The following AMD1 variants were observed in gnomAD, a reference collection of about 807,000 sequenced individuals.
The protein encoded by AMD1 is S-adenosylmethionine decarboxylase proenzyme.
Under a neutral mutation model 40.2 loss-of-function variants are expected in AMD1, and 11 were observed. That is an observed-to-expected ratio of 0.27 (90% CI 0.17 to 0.45). The LOEUF is 0.45. AMD1 is among the 20% of genes least tolerant of loss of function. The pLI is 1.00. For missense variants in AMD1, 257 were observed against 410.2 expected (o/e 0.63, Z 3.23); for synonymous variants, 121 against 130.8 (o/e 0.93, Z 0.51).
upstream of AMD1, among the ~76,000 whole-genome samples, chr6:110,873,173 T>G (rs1412439606): frequency 6.6e-6 from 1 of 152,140 alleles, no homozygotes; most frequent in Non-Finnish European, 1.5e-5. Flanking sequence ...AAGACAAGCC[T>G]GGCAAACATG....
chr6:110,823,243 T>C, the AMD1 span, among the ~76,000 whole-genome samples: 1 of 152,120 alleles, frequency 6.6e-6, no homozygotes, highest in Admixed American at 6.6e-5. Context: ...ATAAAAGCCA[T>C]ATATGATAAA....
At chr6:110,814,626 C>T in the AMD1 span, 1 of 475,554 alleles carries the variant, frequency 2.1e-6, no homozygotes, top group South Asian at 1.5e-5. Flanking sequence ...CGTCACTACC[C>T]AGGGCCGGAG....
At chr6:110,842,190 C>T in the AMD1 span, among the ~76,000 whole-genome samples, 2 of 152,176 alleles carry the variant, frequency 1.3e-5, no homozygotes, top group Non-Finnish European at 2.9e-5. Flanking sequence ...ATGAGTCTCT[C>T]ACATTTCTGC....
chr6:110,858,133 C>T, the AMD1 span: 1 of 546,978 alleles, frequency 1.8e-6, no homozygotes, highest in Non-Finnish European at 3.4e-6. Flanking sequence ...TGTGAGCCAC[C>T]ATGCCCAGAC....
chr6:110,874,544 T>C (rs140462443), upstream of AMD1, among the ~76,000 whole-genome samples: 988 of 152,316 alleles, frequency 6.5e-3, 5 homozygotes, highest in African/African-American at 0.023. Flanking sequence ...CCGAGGTTTC[T>C]AGTCCCCAGC....
At chr6:110,839,402 C>T in the AMD1 span, among the ~76,000 whole-genome samples, 2 of 152,108 alleles carry the variant, frequency 1.3e-5, no homozygotes, top group Non-Finnish European at 2.9e-5. Context: ...ACGTTTCTGA[C>T]CAAAGGTGTA....
the AMD1 span, among the ~76,000 whole-genome samples, chr6:110,852,164 CTACTGACTA>C: frequency 6.9e-6 from 1 of 144,404 alleles, no homozygotes; most frequent in Non-Finnish European, 1.5e-5. Flanking sequence ...GTGATCCTCC[CTACTGACTA>C]TAGGCATGCA....
the AMD1 span, among the ~76,000 whole-genome samples, chr6:110,848,138 G>T: frequency 6.6e-6 from 1 of 152,068 alleles, no homozygotes; most frequent in East Asian, 1.9e-4. Flanking sequence ...GAAAATATGA[G>T]CTGTGTTTGT....
At chr6:110,855,735 A>G in the AMD1 span, among the ~76,000 whole-genome samples, 2 of 152,144 alleles carry the variant, frequency 1.3e-5, no homozygotes, top group East Asian at 3.9e-4. Context: ...AAACTGTTCC[A>G]TCAGGTATTC....
the AMD1 span, among the ~76,000 whole-genome samples, chr6:110,830,754 A>G: frequency 2.0e-5 from 3 of 152,230 alleles, no homozygotes; most frequent in East Asian, 5.8e-4. Context: ...GGCAAAGACA[A>G]GAACTATCCC....
chr6:110,862,330 G>GTT, the AMD1 span, among the ~76,000 whole-genome samples: 4,665 of 102,742 alleles, frequency 0.045, 114 homozygotes, highest in Middle Eastern at 0.12. Context: ...TGATTGTTCT[G>GTT]TTTTTTTTTT....
chr6:110,817,865 C>A, the AMD1 span, among the ~76,000 whole-genome samples: 7 of 151,984 alleles, frequency 4.6e-5, no homozygotes, highest in Non-Finnish European at 7.4e-5. Context: ...TTCACTCCAG[C>A]CCCATCTGCT....
At chr6:110,872,320 A>T (rs201210088), upstream of AMD1, among the ~76,000 whole-genome samples, 27 of 152,312 alleles carry the variant, frequency 1.8e-4, no homozygotes, top group East Asian at 2.7e-3. Context: ...GGATTTTTTT[A>T]AAATTTGAGT....
At chr6:110,878,672 TAACA>T (rs1481431533) in intron 1 of AMD1, among the ~76,000 whole-genome samples, 5 of 152,168 alleles carry the variant, frequency 3.3e-5, no homozygotes, top group Non-Finnish European at 5.9e-5. Flanking sequence ...CAAAGTGCTG[TAACA>T]AACAAAAGCT....
chr6:110,856,923 G>A, the AMD1 span, among the ~76,000 whole-genome samples: 2 of 152,278 alleles, frequency 1.3e-5, no homozygotes, highest in African/African-American at 4.8e-5. Flanking sequence ...TAGCACTTTG[G>A]GAGGCCAAGG....
At chr6:110,893,151 G>T (rs1317882326) in intron 8 of AMD1, 86 bp downstream of exon 8, 2 of 1,223,948 alleles carry the variant, frequency 1.6e-6, no homozygotes, top group African/African-American at 3.1e-5. Context: ...GATGTATTCT[G>T]AGATAGCACA....
Position 110,875,195 on chromosome 6 carries a change from G to A in AMD1, c.90G>A (p.Gly30=), listed in dbSNP as rs1174843295. The change falls in exon 1 of 9, where the codon GGG becomes GGA. Residue 30 remains glycine, a synonymous_variant. Coordinates refer to ENST00000368885, the MANE Select transcript of AMD1 (RefSeq NM_001634.6). The part of the protein sequence containing the change: ...RQQPDANQGS[G]DLRTIPRSEW... ...AGCCCGACGCAAACCAAGGATCTGG[G>A]GATCTTCGCACTATCCCAAGGTGGG... is the stretch of plus-strand genomic sequence containing the variant. The A allele has an allele frequency of 6.2e-7, 1 of 1,611,550 alleles. No individual in the cohort carries two copies. Among genetic ancestry groups the A allele is most frequent in the Non-Finnish European group, 8.5e-7 (1 of 1,178,950 alleles).
the AMD1 span, chr6:110,859,143 A>G: frequency 5.5e-6 from 7 of 1,283,266 alleles, no homozygotes; most frequent in African/African-American, 3.0e-5. Context: ...GAGGCTGGCT[A>G]CTGAGGCTCC....
At chr6:110,866,916 C>T in the AMD1 span, among the ~76,000 whole-genome samples, 2 of 152,080 alleles carry the variant, frequency 1.3e-5, no homozygotes, top group East Asian at 3.9e-4. Flanking sequence ...CCGGTTCAAG[C>T]TAGTCTCCTG....
Sources: allele counts gnomAD v4.1 joint callset (sites outside exome capture counted in the v4.1 genomes callset), GRCh38; gene constraint gnomAD v4.1.1; transcripts MANE v1.5; gene names NCBI Gene and HGNC (gene_info 2026-07-23, HGNC 2026-07-21).